ADAM12: variants seen among roughly 807,000 people sequenced by gnomAD.
ADAM12 encodes disintegrin and metalloproteinase domain-containing protein 12.
Under a neutral mutation model 106.4 loss-of-function variants are expected in ADAM12, and 70 were observed. That is an observed-to-expected ratio of 0.66 (90% CI 0.54 to 0.80). The LOEUF (loss-of-function observed/expected upper bound fraction) is 0.80. Among genes scored for constraint, ADAM12 ranks in the 30% least tolerant of loss-of-function variants. ADAM12 has a pLI of 0.00. For missense variants in ADAM12, 1,010 were observed against 1,171.9 expected, an observed-to-expected ratio of 0.86 and a Z score of 2.02; for synonymous variants, 420 against 433.5, an observed-to-expected ratio of 0.97 and a Z score of 0.39.
chr10:126,156,600 T>A (rs867896733), intron 3 of ADAM12, among the ~76,000 whole-genome samples: 62 of 152,230 alleles, frequency 4.1e-4, no homozygotes, highest in African/African-American at 1.4e-3. Context: ...GTTTGTGCAT[T>A]TTGTCCAATT....
At position 126,236,557 on chromosome 10, in the gene ADAM12, C is replaced by T. The variant is rs1381607117; in HGVS notation, c.260+42358G>A. On this transcript the variant is annotated intron_variant, in intron 3 of 22. Coordinates refer to ENST00000448723, the MANE Select transcript of ADAM12 (RefSeq NM_001288973.2). ...GAGAGTGTGGAAAGGAAAGCAAGCA[C>T]GGCTCTGCGGGGGGAGCTGAATGAG... Among the ~76,000 whole-genome samples, 6 of 152,240 alleles carry T rather than the reference C, an allele frequency of 3.9e-5. No homozygotes were observed. The Middle Eastern group carries it at 0.014, about 345-fold the overall frequency.
At chr10:126,177,958 G>A (rs182867119) in intron 3 of ADAM12, among the ~76,000 whole-genome samples, 2 of 152,296 alleles carry the variant, frequency 1.3e-5, no homozygotes, top group Admixed American at 6.5e-5. Flanking sequence ...GAATCTCCAT[G>A]CGCTCATTTA....
chr10:126,240,785 C>T (rs1958506908), intron 3 of ADAM12, among the ~76,000 whole-genome samples: 1 of 152,222 alleles, frequency 6.6e-6, no homozygotes, highest in Non-Finnish European at 1.5e-5. Context: ...GATAGCAGGG[C>T]ACGCCGGCCT....
chr10:126,365,782 G>A (rs888313471), intron 1 of ADAM12, among the ~76,000 whole-genome samples: 4 of 152,186 alleles, frequency 2.6e-5, no homozygotes, highest in African/African-American at 7.2e-5. Context: ...TACAATTCAA[G>A]ATGAGATTTG....
chr10:126,055,757 G>A (rs1019609827), intron 14 of ADAM12, among the ~76,000 whole-genome samples: 2 of 152,158 alleles, frequency 1.3e-5, no homozygotes, highest in African/African-American at 4.8e-5. Flanking sequence ...AGCTGCTCAT[G>A]GAGTCAACAA....
intron 3 of ADAM12, among the ~76,000 whole-genome samples, chr10:126,166,859 CA>C (rs977298774): frequency 3.9e-5 from 6 of 152,058 alleles, no homozygotes; most frequent in African/African-American, 1.4e-4. Context: ...ATTTTAAGAA[CA>C]AAAAAATAGG....
At chr10:126,152,578 G>GC (rs1956747498) in intron 4 of ADAM12, among the ~76,000 whole-genome samples, 1 of 148,928 alleles carries the variant, frequency 6.7e-6, no homozygotes, top group South Asian at 2.1e-4. Flanking sequence ...GTTTTGTTTT[G>GC]CTTTTTTTTT....
intron 2 of ADAM12, among the ~76,000 whole-genome samples, chr10:126,288,897 T>C (rs1960011772): frequency 6.9e-6 from 1 of 144,724 alleles, no homozygotes; most frequent in Admixed American, 6.9e-5. Flanking sequence ...CCTAAGGACA[T>C]GACCACAGGG....
At chr10:126,321,914 G>GGA (rs1244387780) in intron 2 of ADAM12, among the ~76,000 whole-genome samples, 4 of 138,260 alleles carry the variant, frequency 2.9e-5, no homozygotes, top group South Asian at 2.8e-4. Flanking sequence ...TCGGGGGGGG[G>GGA]GCTTCAGCAA....
intron 3 of ADAM12, among the ~76,000 whole-genome samples, chr10:126,228,630 C>CA (rs1461453492): frequency 1.3e-5 from 2 of 152,116 alleles, no homozygotes; most frequent in African/African-American, 4.8e-5. Context: ...AAATATAAGA[C>CA]AATTTCCTAC....
intron 5 of ADAM12, chr10:126,135,334 C>A: frequency 2.1e-6 from 1 of 470,630 alleles, no homozygotes; most frequent in Non-Finnish European, 3.8e-6. Flanking sequence ...CCAGTTCAGT[C>A]GCTTTTACCC....
intron 2 of ADAM12, among the ~76,000 whole-genome samples, chr10:126,324,475 C>A (rs567915519): frequency 6.6e-6 from 1 of 152,138 alleles, no homozygotes; most frequent in African/African-American, 2.4e-5. Flanking sequence ...TGCTAAGAAG[C>A]CTGGCTTTGA....
intron 12 of ADAM12, among the ~76,000 whole-genome samples, chr10:126,070,966 C>A (rs1194175261): frequency 1.3e-5 from 2 of 152,202 alleles, no homozygotes; most frequent in African/African-American, 4.8e-5. Flanking sequence ...TCACTTATTG[C>A]TTCTGAAAGC....
intron 2 of ADAM12, among the ~76,000 whole-genome samples, chr10:126,299,172 T>C (rs1960504851): frequency 6.6e-6 from 1 of 152,168 alleles, no homozygotes. Flanking sequence ...TGAATAAGTT[T>C]ACAACAGTTT....
intron 4 of ADAM12, among the ~76,000 whole-genome samples, chr10:126,153,405 A>T (rs1956762544): frequency 6.6e-6 from 1 of 151,850 alleles, no homozygotes; most frequent in Non-Finnish European, 1.5e-5. Context: ...CAAGTTATCC[A>T]CCTCCTTGGT....
At chr10:126,060,807 G>A (rs1954739223) in intron 14 of ADAM12, among the ~76,000 whole-genome samples, 2 of 152,218 alleles carry the variant, frequency 1.3e-5, no homozygotes, top group Non-Finnish European at 2.9e-5. Flanking sequence ...CCAGGCAGGA[G>A]TGCACAGGGA....
At chr10:126,352,569 C>A (rs1855399098) in intron 1 of ADAM12, among the ~76,000 whole-genome samples, 1 of 152,158 alleles carries the variant, frequency 6.6e-6, no homozygotes, top group Admixed American at 6.5e-5. Flanking sequence ...CTGCTTGGAC[C>A]ACAGCTGGTC....
intron 18 of ADAM12, chr10:126,041,248 A>C: frequency 1.3e-6 from 1 of 785,856 alleles, no homozygotes; most frequent in African/African-American, 1.9e-5. Flanking sequence ...TTGTTTAATG[A>C]GCCCCTGAGC....
chr10:126,070,997 G>A (rs748475322), intron 12 of ADAM12, among the ~76,000 whole-genome samples: 5 of 152,180 alleles, frequency 3.3e-5, no homozygotes, highest in Non-Finnish European at 7.3e-5. Flanking sequence ...AGAGGCAGAA[G>A]CCTCAAGTCA....
Sources: gnomAD v4.1 joint callset for allele counts (sites outside exome capture counted in the v4.1 genomes callset) on GRCh38, gnomAD v4.1.1 for gene constraint, MANE v1.5 for transcripts, NCBI Gene and HGNC (gene_info 2026-07-23, HGNC 2026-07-21) for gene names.